TMLHE: variants seen among roughly 807,000 people sequenced by gnomAD.
TMLHE encodes trimethyllysine dioxygenase, mitochondrial.
A neutral mutation model predicts 25.7 loss-of-function variants in TMLHE; 18 were observed. The ratio of observed to expected loss-of-function variants is 0.70; its 90% CI spans 0.48 to 1.04. The LOEUF (loss-of-function observed/expected upper bound fraction) is 1.04. Ranked by LOEUF, TMLHE falls within the 50% of genes least tolerant of loss-of-function variation. TMLHE has a pLI of 0.00. For missense variants in TMLHE, 236 were observed against 259.0 expected, an observed-to-expected ratio of 0.91 and a Z score of 0.61; for synonymous variants, 105 against 97.0, an observed-to-expected ratio of 1.08 and a Z score of -0.49.
At chrX:155,524,729 G>T in intron 2 of TMLHE, 97 bp from the exon 3 acceptor site, 1 of 824,018 alleles carries the variant, frequency 1.2e-6, no homozygotes, top group Non-Finnish European at 1.6e-6. Context: ...CTACCAATAA[G>T]CAATAAGGGT....
chrX:155,580,706 G>C (rs1417660329), intron 1 of TMLHE, among the ~76,000 whole-genome samples: 3 of 111,585 alleles, frequency 2.7e-5, no homozygotes, highest in Admixed American at 9.5e-5. Context: ...GCAGACAAGA[G>C]AAGAGGGCTT....
chrX:155,589,252 T>A (rs782166315), intron 1 of TMLHE, among the ~76,000 whole-genome samples: 90 of 111,174 alleles, frequency 8.1e-4, no homozygotes, highest in Non-Finnish European at 1.4e-3. Context: ...GTTTGAGACC[T>A]GCCTGGCCAA....
intron 1 of TMLHE, among the ~76,000 whole-genome samples, chrX:155,598,360 T>C (rs2067735356): frequency 9.1e-6 from 1 of 109,912 alleles, no homozygotes; most frequent in Non-Finnish European, 1.9e-5. Context: ...CACCATGGAA[T>C]ACTATGCAGC....
intron 2 of TMLHE, among the ~76,000 whole-genome samples, chrX:155,525,300 T>A (rs950851782): frequency 5.4e-5 from 6 of 111,692 alleles, no homozygotes; most frequent in African/African-American, 1.3e-4. Flanking sequence ...CACTTCTGCC[T>A]TCACTTTCTC....
intron 1 of TMLHE, among the ~76,000 whole-genome samples, chrX:155,554,744 A>C (rs150323089): frequency 0.012 from 1,292 of 109,841 alleles, 26 homozygotes; most frequent in Non-Finnish European, 0.016. Flanking sequence ...TGTGAGAGGG[A>C]TTATGAATAT....
chrX:155,545,658 A>C (rs1557338629), intron 1 of TMLHE, among the ~76,000 whole-genome samples: 1 of 112,240 alleles, frequency 8.9e-6, no homozygotes. Flanking sequence ...AAATCCTATT[A>C]CCTAGTGACA....
In TMLHE at chrX:155,552,598, C is replaced by T. The variant is rs1201388713; in HGVS notation, c.-1-7321G>A. Among the ~76,000 whole-genome samples the T allele has an allele frequency of 1.6e-4, 18 of 109,895 alleles. 1 individual carries two copies. Among genetic ancestry groups the T allele is most frequent in the African/African-American group, 6.1e-4 (18 of 29,581 alleles). On this transcript the variant is annotated intron_variant, in intron 1 of 7. Coordinates refer to ENST00000334398, the MANE Select transcript of TMLHE (RefSeq NM_018196.4). ...CTAATATTGGTTATTTATGCTTTCT[C>T]TCTCTTCTTTTGTTTCTTTATCCAT...
chrX:155,589,045 C>T (rs782340573), intron 1 of TMLHE, among the ~76,000 whole-genome samples: 8 of 112,153 alleles, frequency 7.1e-5, no homozygotes, highest in African/African-American at 2.6e-4. Context: ...ATGTTTATAA[C>T]AGCACTATTC....
chrX:155,565,599 G>C (rs1442094934), intron 1 of TMLHE, among the ~76,000 whole-genome samples: 1 of 61,849 alleles, frequency 1.6e-5, no homozygotes, highest in African/African-American at 3.6e-5. Context: ...ACAAATGGCA[G>C]TGAAAGTTCA....
chrX:155,556,845 CG>C (rs1186299117), intron 1 of TMLHE, among the ~76,000 whole-genome samples: 1 of 110,822 alleles, frequency 9.0e-6, no homozygotes. Flanking sequence ...AGGTACGCCC[CG>C]GGGGGGCCAG....
At chrX:155,581,954 T>A (rs1273446316) in intron 1 of TMLHE, among the ~76,000 whole-genome samples, 1 of 111,967 alleles carries the variant, frequency 8.9e-6, no homozygotes, top group African/African-American at 3.3e-5. Context: ...CAAAACAGCA[T>A]GGTACTGGTA....
chrX:155,586,568 C>G (rs1209170211), intron 1 of TMLHE, among the ~76,000 whole-genome samples: 2 of 111,020 alleles, frequency 1.8e-5, no homozygotes, highest in East Asian at 5.6e-4. Flanking sequence ...CAAAGATCAA[C>G]AAAATGAAAA....
intron 1 of TMLHE, among the ~76,000 whole-genome samples, chrX:155,545,923 C>G (rs2067341833): frequency 9.1e-6 from 1 of 110,285 alleles, no homozygotes; most frequent in Non-Finnish European, 1.9e-5. Context: ...AGAATGTATC[C>G]CTGTCGTTAT....
In TMLHE at chrX:155,561,335, G is replaced by C. The variant is rs1413011727; in HGVS notation, c.-1-16058C>G. Among the ~76,000 whole-genome samples the C allele has an allele frequency of 3.3e-5, 2 of 60,737 alleles. 1 individual carries two copies. The highest frequency in any genetic ancestry group is 9.2e-5 in the Non-Finnish European group (2 of 21,767). The allele number at this position is 60,737 out of a possible 115,157, so 52.7% of individuals were successfully genotyped here. On this transcript the variant is annotated intron_variant, in intron 1 of 7. Transcript: ENST00000334398. Reference sequence around the variant, plus strand: ...GAATTGCCACACTTTTAAACCATCAGATCTCATGAGAACTCACTCACAATA... The same window carrying C: ...GAATTGCCACACTTTTAAACCATCACATCTCATGAGAACTCACTCACAATA...
At chrX:155,507,838 C>T (rs1371483003) in intron 5 of TMLHE, among the ~76,000 whole-genome samples, 4 of 110,635 alleles carry the variant, frequency 3.6e-5, no homozygotes, top group Non-Finnish European at 5.7e-5. Context: ...TGAGAAGCAA[C>T]GTGACAAAAA....
Position 155,514,211 on chromosome X carries a change from T to C in TMLHE, c.413A>G (p.Tyr138Cys). The C allele has an allele frequency of 5.0e-6, 6 of 1,210,656 alleles. No individual in the cohort carries two copies. Among genetic ancestry groups the C allele is most frequent in the Non-Finnish European group, 6.7e-6 (6 of 894,767 alleles). ...YDLNWLVKNS[Y>C]EGQKQKVIQP... ...GATGACTTTTTGTTTCTGCCCTTCA[T>C]AGCTGTTTTTCACCAGCCAATTCAA... The change falls in exon 4 of 8, where the codon TAT becomes TGT. Residue 138 changes from tyrosine to cysteine, a missense_variant. Tyr to Cys is a radical substitution (Grantham distance 194). Coordinates refer to ENST00000334398, the MANE Select transcript of TMLHE (RefSeq NM_018196.4).
intron 3 of TMLHE, among the ~76,000 whole-genome samples, chrX:155,523,301 T>A (rs1305462324): frequency 9.0e-6 from 1 of 111,659 alleles, no homozygotes; most frequent in Non-Finnish European, 1.9e-5. Flanking sequence ...TATAGTTTTA[T>A]GTTTTACGTT....
At chrX:155,506,264 G>A (rs1334117786) in intron 6 of TMLHE, among the ~76,000 whole-genome samples, 3 of 111,240 alleles carry the variant, frequency 2.7e-5, no homozygotes, top group Non-Finnish European at 3.8e-5. Context: ...GCAAGAAGAG[G>A]CATTGTAGAT....
chrX:155,537,581 A>AC (rs2067286409), intron 2 of TMLHE, among the ~76,000 whole-genome samples: 1 of 111,014 alleles, frequency 9.0e-6, no homozygotes, highest in African/African-American at 3.3e-5. Context: ...CAATTCATTG[A>AC]CCCTAAGCTC....
Sources: gnomAD v4.1 joint callset for allele counts (sites outside exome capture counted in the v4.1 genomes callset) on GRCh38, gnomAD v4.1.1 for gene constraint, MANE v1.5 for transcripts, NCBI Gene and HGNC (gene_info 2026-07-23, HGNC 2026-07-21) for gene names.